Variants in PRKAG2 observed in about 807,000 individuals in gnomAD.
The protein encoded by PRKAG2 is protein kinase AMP-activated non-catalytic subunit gamma 2.
In PRKAG2, 26 loss-of-function variants were observed where a neutral mutation model predicts 69.6. The ratio of observed to expected loss-of-function variants is 0.37; its 90% CI spans 0.27 to 0.52. PRKAG2 has a LOEUF of 0.52. Among genes scored for constraint, PRKAG2 ranks in the 20% least tolerant of loss-of-function variants. The probability of loss-of-function intolerance (pLI) is 0.90; values close to 1 mark genes in which losing one functional copy is unlikely to be tolerated. For synonymous variants in PRKAG2, 293 were observed against 285.0 expected (o/e 1.03, Z -0.28); for missense variants, 557 against 740.0 (o/e 0.75, Z 2.87).
chr7:151,781,034 C>T lies in PRKAG2; in HGVS notation c.466+118G>A. ...GGGTGGGGAGAAACAGATACAGGCA[C>T]TCAGCACCAAGCTGCTCACAGCCAC... On this transcript the variant is annotated intron_variant, in intron 3 of 15. Transcript: ENST00000287878. This position sits in a 1 kb window ranked among gnomAD's most constrained non-coding sequence, Gnocchi z 6.1. 1.4e-6 allele frequency: 2 copies of T among 1,395,516 alleles called. No homozygotes were observed. Among genetic ancestry groups the T allele is most frequent in the South Asian group, 1.2e-5 (1 of 85,512 alleles). The allele number at this position is 1,395,516 out of a possible 1,614,324, so 86.4% of individuals were successfully genotyped here. A position where few individuals can be genotyped will look rare whatever the true frequency, so the allele number is the denominator to read the frequency against.
At chr7:151,742,494 C>T (rs575495582) in intron 3 of PRKAG2, among the ~76,000 whole-genome samples, 6 of 152,066 alleles carry the variant, frequency 3.9e-5, no homozygotes, top group South Asian at 4.2e-4. Flanking sequence ...CGTGATGGTG[C>T]GCACCTGTAG....
chr7:151,846,888 G>T (rs569304880), intron 1 of PRKAG2, among the ~76,000 whole-genome samples: 1 of 152,180 alleles, frequency 6.6e-6, no homozygotes. Context: ...CCACTAACAC[G>T]CACAGCTGGG....
chr7:151,799,882 C>T (rs925416149), intron 1 of PRKAG2, among the ~76,000 whole-genome samples: 1 of 152,188 alleles, frequency 6.6e-6, no homozygotes, highest in South Asian at 2.1e-4. Flanking sequence ...TCACACCGGC[C>T]AAAATCCCTC....
intron 3 of PRKAG2, chr7:151,735,979 C>T: frequency 2.0e-6 from 3 of 1,536,330 alleles, no homozygotes; most frequent in Non-Finnish European, 2.6e-6. Context: ...TCCTGAGGCT[C>T]CCAAAGCGCT....
intron 4 of PRKAG2, among the ~76,000 whole-genome samples, chr7:151,637,223 G>A (rs1043151103): frequency 3.9e-5 from 6 of 152,076 alleles, no homozygotes; most frequent in Non-Finnish European, 1.5e-5. Flanking sequence ...AAAATAAAAA[G>A]TTTAATTTTT....
intron 4 of PRKAG2, among the ~76,000 whole-genome samples, chr7:151,670,718 T>C (rs1831882725): frequency 6.6e-6 from 1 of 152,222 alleles, no homozygotes; most frequent in Non-Finnish European, 1.5e-5. Flanking sequence ...GACACCTTCC[T>C]ATGCATAATG....
In PRKAG2 at chr7:151,771,536, T is replaced by C. The variant is rs1335557809; in HGVS notation, c.466+9616A>G. On this transcript the variant is annotated intron_variant, in intron 3 of 15. Transcript: ENST00000287878. The surrounding 1 kb of genome is among the most constrained non-coding windows in gnomAD (Gnocchi z 4.0). ...TGCATGCAGTACACACAATGCCATC[T>C]TTCCTAGAAGTCTCAGGCTCTGGGG... Among the ~76,000 whole-genome samples, 24 of 152,228 alleles carry C rather than the reference T, an allele frequency of 1.6e-4. No individual in the cohort carries two copies. Among genetic ancestry groups the C allele is most frequent in the Non-Finnish European group, 8.8e-5 (6 of 68,036 alleles).
intron 3 of PRKAG2, among the ~76,000 whole-genome samples, chr7:151,678,344 G>A (rs1406961690): frequency 6.6e-6 from 1 of 152,188 alleles, no homozygotes; most frequent in Admixed American, 6.5e-5. Context: ...AAGGGGTCTG[G>A]CAAATGCCTG....
chr7:151,656,440 C>T (rs1169677886), intron 4 of PRKAG2, among the ~76,000 whole-genome samples: 2 of 152,070 alleles, frequency 1.3e-5, no homozygotes, highest in Non-Finnish European at 2.9e-5. Context: ...CCTGTAATCC[C>T]AGCTACTCGG....
chr7:151,601,078 C>G (rs1025575983), intron 5 of PRKAG2, among the ~76,000 whole-genome samples: 7 of 152,170 alleles, frequency 4.6e-5, no homozygotes, highest in African/African-American at 1.7e-4. Context: ...GTGCGCTCAT[C>G]TGAGCGCACC....
chr7:151,674,899 T>C (rs545922505), intron 4 of PRKAG2: 1 of 180,176 alleles, frequency 5.6e-6, no homozygotes, highest in African/African-American at 2.4e-5. Flanking sequence ...GTCCCAGATG[T>C]TACCATTTTT....
chr7:151,632,587 G>GC lies in PRKAG2; in HGVS notation c.685-450dup. 1 of 983,998 alleles carries GC rather than the reference G, an allele frequency of 1.0e-6. No individual in the cohort carries two copies. Among genetic ancestry groups the GC allele is most frequent in the South Asian group, 4.7e-5 (1 of 21,280 alleles). 61.0% of individuals were successfully genotyped at this position (983,998 alleles called of 1,614,324 possible). A position where few individuals can be genotyped will look rare whatever the true frequency, so the allele number is the denominator to read the frequency against. On this transcript the variant is annotated intron_variant, in intron 4 of 15. Transcript: ENST00000287878. This position sits in a 1 kb window ranked among gnomAD's most constrained non-coding sequence, Gnocchi z 4.2. ...GCCGCTCACCTTCCCAGCACCGGCG[G>GC]CCGCGCTCGGCAGGCTCCACCTGCG...
rs138743708 is a variant in PRKAG2 at position 151,795,287 on chromosome 7, T to C, written c.115-8746A>G. On this transcript the variant is annotated intron_variant, in intron 1 of 15. Transcript: ENST00000287878. Reference sequence around the variant, plus strand: ...CCTGGGAGGCCCCGGGACATGCAGGTTGGGGGGCGCATTTGCATGGTCTGT... The same window carrying C: ...CCTGGGAGGCCCCGGGACATGCAGGCTGGGGGGCGCATTTGCATGGTCTGT... Among the ~76,000 whole-genome samples the C allele has an allele frequency of 1.6e-4, 24 of 152,154 alleles. No individual in the cohort carries two copies. The East Asian group carries it at 4.1e-3, about 26-fold the overall frequency.
At chr7:151,805,378 C>T (rs2078050615) in intron 1 of PRKAG2, among the ~76,000 whole-genome samples, 1 of 152,184 alleles carries the variant, frequency 6.6e-6, no homozygotes, top group East Asian at 1.9e-4. Context: ...ATGTGCCAGG[C>T]TCAGCTGCCA....
Position 151,814,812 on chromosome 7 carries a change from T to C in PRKAG2, c.115-28271A>G. On this transcript the variant is annotated intron_variant, in intron 1 of 15. Coordinates refer to ENST00000287878, the MANE Select transcript of PRKAG2 (RefSeq NM_016203.4). This position sits in a 1 kb window ranked among gnomAD's most constrained non-coding sequence, Gnocchi z 4.8. The stretch of plus-strand genomic sequence containing the variant: ...GCAGAGCTCGGGCAGATTCCCCCAT[T>C]GACGGGACTGCAGCAAACTGTCATT... 1 of 1,231,796 alleles carries C rather than the reference T, an allele frequency of 8.1e-7. No homozygotes were observed. Among genetic ancestry groups the C allele is most frequent in the Non-Finnish European group, 1.0e-6 (1 of 988,032 alleles). The allele number at this position is 1,231,796 out of a possible 1,614,324, so 76.3% of individuals were successfully genotyped here.
chr7:151,824,486 G>A (rs904222592), intron 1 of PRKAG2, among the ~76,000 whole-genome samples: 5 of 152,184 alleles, frequency 3.3e-5, no homozygotes, highest in African/African-American at 9.7e-5. Flanking sequence ...AGATTGTAAT[G>A]AGATCCTAGT....
chr7:151,693,217 T>C (rs182396061), intron 3 of PRKAG2, among the ~76,000 whole-genome samples: 1 of 152,300 alleles, frequency 6.6e-6, no homozygotes, highest in East Asian at 1.9e-4. Flanking sequence ...GGTCCGAACA[T>C]GCAGAAAGCC....
chr7:151,795,520 C>T (rs1005110191), intron 1 of PRKAG2, among the ~76,000 whole-genome samples: 9 of 152,108 alleles, frequency 5.9e-5, no homozygotes, highest in South Asian at 2.1e-4. Flanking sequence ...GAGTCAGTAA[C>T]GGTTAATTTG....
chr7:151,725,717 G>A (rs1375100054), intron 3 of PRKAG2, among the ~76,000 whole-genome samples: 5 of 152,144 alleles, frequency 3.3e-5, no homozygotes, highest in Non-Finnish European at 7.3e-5. Context: ...GGAGAAGACA[G>A]ATAAGACTTG....
Sources: allele counts gnomAD v4.1 joint callset (sites outside exome capture counted in the v4.1 genomes callset), GRCh38; gene constraint gnomAD v4.1.1; non-coding constraint Gnocchi (gnomAD v3.1); transcripts MANE v1.5; gene names NCBI Gene and HGNC (gene_info 2026-07-23, HGNC 2026-07-21).